IQCE: variants seen among roughly 807,000 people sequenced by gnomAD.
The protein encoded by IQCE is IQ motif containing E, also known as IQ domain-containing protein E.
IQCE carries 115 observed loss-of-function variants against 96.0 expected under a neutral mutation model. The observed-to-expected ratio is 1.20, with a 90% CI of 1.03 to 1.40. The LOEUF is 1.40. Ranked by LOEUF, IQCE falls within the 40% of genes most tolerant of loss-of-function variation. The pLI is 0.00. For synonymous variants in IQCE, 412 were observed against 371.2 expected, an observed-to-expected ratio of 1.11 and a Z score of -1.26; for missense variants, 1,041 against 909.1, an observed-to-expected ratio of 1.15 and a Z score of -1.87.
At chr7:2,581,802 C>T (rs1370876415) in intron 8 of IQCE, among the ~76,000 whole-genome samples, 3 of 151,806 alleles carry the variant, frequency 2.0e-5, no homozygotes, top group Admixed American at 6.6e-5. Context: ...CTCCGCTTCC[C>T]GGGTTCATGC....
intron 17 of IQCE, among the ~76,000 whole-genome samples, chr7:2,601,070 A>G (rs1784399081): frequency 6.6e-6 from 1 of 152,134 alleles, no homozygotes; most frequent in Admixed American, 6.5e-5. Context: ...AGTGGTCCGG[A>G]CACCTGTGCT....
chr7:2,588,376 A>T (rs1480392878), intron 13 of IQCE, among the ~76,000 whole-genome samples: 1 of 148,400 alleles, frequency 6.7e-6, no homozygotes. Flanking sequence ...TTTTTTTGAG[A>T]TGGAGTCTCA....
intron 12 of IQCE, 28 bp from the exon 13 acceptor site, chr7:2,587,794 C>A: frequency 6.2e-7 from 1 of 1,612,406 alleles, no homozygotes; most frequent in South Asian, 1.1e-5. Context: ...ACCAGGATGC[C>A]GTTTTGAAAC....
intron 16 of IQCE, 40 bp from the exon 17 acceptor site, chr7:2,598,425 C>A: frequency 6.5e-7 from 1 of 1,528,168 alleles, no homozygotes; most frequent in Non-Finnish European, 8.8e-7. Context: ...TTGTCCCTGC[C>A]CTGGCTTCAT....
chr7:2,579,935 G>A (rs1782538464), intron 8 of IQCE, among the ~76,000 whole-genome samples: 1 of 151,026 alleles, frequency 6.6e-6, no homozygotes, highest in Non-Finnish European at 1.5e-5. Flanking sequence ...TTTAGTTTTG[G>A]TAAGATGGGG....
At chr7:2,565,836 A>G (rs1362111186) in intron 1 of IQCE, among the ~76,000 whole-genome samples, 1 of 152,228 alleles carries the variant, frequency 6.6e-6, no homozygotes, top group Non-Finnish European at 1.5e-5. Context: ...TGATTTTTTT[A>G]AACGCTCCAT....
At chr7:2,569,689 C>A (rs1781622489) in intron 3 of IQCE, among the ~76,000 whole-genome samples, 1 of 152,202 alleles carries the variant, frequency 6.6e-6, no homozygotes, top group Non-Finnish European at 1.5e-5. Flanking sequence ...TGTGCTACCC[C>A]AAAGCCTGTG....
intron 8 of IQCE, among the ~76,000 whole-genome samples, chr7:2,580,463 T>C (rs1367092414): frequency 2.0e-5 from 3 of 151,948 alleles, no homozygotes; most frequent in African/African-American, 4.8e-5. Flanking sequence ...TACAAAAAAA[T>C]TAGCCAGGTA....
chr7:2,566,528 T>C (rs1781389499), intron 1 of IQCE: 1 of 150,832 alleles, frequency 6.6e-6, no homozygotes, highest in Non-Finnish European at 1.5e-5. Context: ...GGCATGATTA[T>C]GACTCACTGC....
At chr7:2,585,535 C>T (rs1301039466) in intron 11 of IQCE, among the ~76,000 whole-genome samples, 1 of 152,250 alleles carries the variant, frequency 6.6e-6, no homozygotes, top group Non-Finnish European at 1.5e-5. Context: ...CACTGGACGG[C>T]ACTCAGCACT....
chr7:2,580,603 ACT>A (rs1782588898), intron 8 of IQCE, among the ~76,000 whole-genome samples: 1 of 151,834 alleles, frequency 6.6e-6, no homozygotes, highest in African/African-American at 2.4e-5. Flanking sequence ...CAAGAGTGAA[ACT>A]CTGTCTCAAA....
Position 2,584,235 on chromosome 7 carries a change from G to A in IQCE, c.775-1G>A. The A allele has an allele frequency of 6.2e-7, 1 of 1,613,630 alleles. No individual in the cohort carries two copies. The highest frequency in any genetic ancestry group is 8.5e-7 in the Non-Finnish European group (1 of 1,179,492). On this transcript the variant is annotated splice_acceptor_variant, in intron 10 of 21. Coordinates refer to ENST00000402050, the MANE Select transcript of IQCE (RefSeq NM_152558.5). LOFTEE classifies it high-confidence loss of function. ...CATGCATTTCAATTTGGTATTTACA[G>A]GTGCATCGTCTCCAGACCCTCTTGG...
At chr7:2,572,443 C>T (rs759601686) in intron 5 of IQCE, 117 bp downstream of exon 5, 17 of 1,158,344 alleles carry the variant, frequency 1.5e-5, no homozygotes, top group Non-Finnish European at 1.8e-5. Context: ...GCATGAGCTC[C>T]GTCACTGGGA....
chr7:2,559,765 T>TGGGGGG (rs59372092), intron 1 of IQCE, among the ~76,000 whole-genome samples: 11 of 34,852 alleles, frequency 3.2e-4, no homozygotes, highest in Non-Finnish European at 6.6e-4. Context: ...TGCATTCCAG[T>TGGGGGG]GGGGGGGGGG....
At chr7:2,586,929 A>G (rs1218572191) in intron 12 of IQCE, among the ~76,000 whole-genome samples, 1 of 151,840 alleles carries the variant, frequency 6.6e-6, no homozygotes, top group Non-Finnish European at 1.5e-5. Context: ...CAGAGGGTGG[A>G]GGGGGGCCGT....
chr7:2,578,110 G>C (rs1178087452), intron 6 of IQCE, 132 bp from the exon 7 acceptor site: 4 of 656,184 alleles, frequency 6.1e-6, no homozygotes, highest in Non-Finnish European at 1.1e-5. Flanking sequence ...TGGCGTGTGC[G>C]TGGCTGTGCG....
At chr7:2,582,145 G>A in intron 8 of IQCE, 1 of 448,662 alleles carries the variant, frequency 2.2e-6, no homozygotes, top group Non-Finnish European at 4.5e-6. Context: ...GGCCCCTACG[G>A]CCGCGCTGTC....
rs1785049809 is a variant in IQCE at position 2,610,237 on chromosome 7, A to AT, written c.*76dup. The AT allele has an allele frequency of 2.2e-6, 2 of 891,698 alleles. No homozygotes were observed. The highest frequency in any genetic ancestry group is 4.8e-5 in the East Asian group (2 of 41,464). The allele number at this position is 891,698 out of a possible 1,614,324, so 55.2% of individuals were successfully genotyped here. On this transcript the variant is annotated 3_prime_UTR_variant, in exon 22 of 22. Transcript: ENST00000402050. The stretch of plus-strand genomic sequence containing the variant: ...GGAACCACGACTGGAAAGATAATTT[A>AT]TCGTGTTAGGAGAAGAACGATGATA...
At chr7:2,602,261 C>T (rs1441877889) in intron 18 of IQCE, among the ~76,000 whole-genome samples, 1 of 152,184 alleles carries the variant, frequency 6.6e-6, no homozygotes, top group Admixed American at 6.5e-5. Context: ...GGGGCCAGGG[C>T]ATGGAACTGG....
Sources: gnomAD v4.1 joint callset for allele counts (sites outside exome capture counted in the v4.1 genomes callset) on GRCh38, gnomAD v4.1.1 for gene constraint, MANE v1.5 for transcripts, NCBI Gene and HGNC (gene_info 2026-07-23, HGNC 2026-07-21) for gene names.